The following PFKFB3 variants were observed in gnomAD, a reference collection of about 807,000 sequenced individuals.
PFKFB3 encodes the protein 6-phosphofructo-2-kinase/fructose-2,6-bisphosphatase 3.
PFKFB3 carries 33 observed loss-of-function variants against 68.0 expected under a neutral mutation model. The ratio of observed to expected loss-of-function variants is 0.49; its 90% CI spans 0.37 to 0.65. PFKFB3 has a LOEUF of 0.65. Among genes scored for constraint, PFKFB3 ranks in the 30% least tolerant of loss-of-function variants. The pLI, the probability that PFKFB3 is intolerant of heterozygous loss-of-function variation, is 0.00. For synonymous variants in PFKFB3, 315 were observed against 288.2 expected (o/e 1.09, Z -0.94); for missense variants, 586 against 712.2 (o/e 0.82, Z 2.02).
rs1175064214 is a variant in PFKFB3 at position 6,229,780 on chromosome 10, G to A, written c.1516-3115G>A. 1.1e-4 allele frequency among the ~76,000 whole-genome samples: 16 copies of A among 152,206 alleles called. No homozygotes were observed. The highest frequency in any genetic ancestry group is 1.8e-4 in the Non-Finnish European group (12 of 68,044). ...CTTTTTGGTACCAGGGACCCGTTTC[G>A]TGGAAGAGAATTTTCCCCACCATGG... On this transcript the variant is annotated intron_variant, in intron 14 of 14. Transcript: ENST00000379775. This position sits in a 1 kb window ranked among gnomAD's most constrained non-coding sequence, Gnocchi z 4.3.
upstream of PFKFB3, chr10:6,202,374 GC>G (rs1843397415): frequency 6.6e-6 from 1 of 152,324 alleles, no homozygotes; most frequent in African/African-American, 2.4e-5. Flanking sequence ...CCCGCGGGTC[GC>G]CCGGGTCGTG....
chr10:6,289,430 T>C, the PFKFB3 span, among the ~76,000 whole-genome samples: 21 of 150,970 alleles, frequency 1.4e-4, no homozygotes, highest in East Asian at 9.7e-4. Context: ...TATGGCTAGC[T>C]AGTTTTCCCA....
At position 6,228,075 on chromosome 10, in the gene PFKFB3, GC is replaced by G; in HGVS notation, c.1515+1712del. On this transcript the variant is annotated intron_variant, in intron 14 of 14. Transcript: ENST00000379775. This position sits in a 1 kb window ranked among gnomAD's most constrained non-coding sequence, Gnocchi z 4.5. ...GTTGGGAGGACAGTCCTTCAGGGTG[GC>G]CAGGTTCTTAGGGACGTCTGAAGCT... The G allele has an allele frequency of 9.7e-7, 1 of 1,030,618 alleles. No individual in the cohort carries two copies. The highest frequency in any genetic ancestry group is 1.5e-6 in the Non-Finnish European group (1 of 663,850). 63.8% of individuals were successfully genotyped at this position (1,030,618 alleles called of 1,614,324 possible).
chr10:6,302,638 C>T, the PFKFB3 span, among the ~76,000 whole-genome samples: 1 of 151,506 alleles, frequency 6.6e-6, no homozygotes, highest in Non-Finnish European at 1.5e-5. Flanking sequence ...GCCTCGGCCT[C>T]CCAAAGTGCT....
At chr10:6,231,137 C>A in intron 14 of PFKFB3, 1 of 737,298 alleles carries the variant, frequency 1.4e-6, no homozygotes. Context: ...GAGAGATCAC[C>A]TGGCATTTGT....
the PFKFB3 span, chr10:6,294,204 G>A: frequency 1.9e-6 from 1 of 527,952 alleles, no homozygotes; most frequent in African/African-American, 1.9e-5. Flanking sequence ...TCCATCTTGA[G>A]AGATGTGAAC....
At chr10:6,180,157 C>T (rs975668607) in intron 1 of PFKFB3, among the ~76,000 whole-genome samples, 2 of 151,684 alleles carry the variant, frequency 1.3e-5, no homozygotes, top group African/African-American at 4.8e-5. Flanking sequence ...AGCTGGGCAA[C>T]ATAGTGAGAC....
the PFKFB3 span, among the ~76,000 whole-genome samples, chr10:6,280,813 G>A: frequency 6.6e-6 from 1 of 151,526 alleles, no homozygotes; most frequent in South Asian, 2.1e-4. Flanking sequence ...AATTTTTTAT[G>A]TTTCTGTAGT....
chr10:6,298,260 T>C, the PFKFB3 span, among the ~76,000 whole-genome samples: 4 of 151,996 alleles, frequency 2.6e-5, no homozygotes, highest in East Asian at 7.7e-4. Flanking sequence ...TCTCCTAGGG[T>C]AACCTCGGAT....
chr10:6,269,878 C>T, the PFKFB3 span, among the ~76,000 whole-genome samples: 9 of 152,160 alleles, frequency 5.9e-5, no homozygotes, highest in African/African-American at 1.2e-4. Context: ...CGCTTGTAAT[C>T]GCAGCACTTT....
At chr10:6,288,666 G>A in the PFKFB3 span, among the ~76,000 whole-genome samples, 4 of 151,602 alleles carry the variant, frequency 2.6e-5, no homozygotes, top group Admixed American at 1.3e-4. Flanking sequence ...ATAAACATAC[G>A]TGTGCATGTG....
At chr10:6,319,266 T>C in the PFKFB3 span, among the ~76,000 whole-genome samples, 1 of 152,196 alleles carries the variant, frequency 6.6e-6, no homozygotes, top group Admixed American at 6.5e-5. Flanking sequence ...AAACTAAGTG[T>C]CCATCAGTGG....
rs529870833 is a variant in PFKFB3 at position 6,225,380 on chromosome 10, G to T, written c.1342-812G>T. The T allele has an allele frequency of 1.9e-5, 7 of 373,084 alleles. 1 individual carries two copies. The highest frequency in any genetic ancestry group is 1.4e-4 in the South Asian group (7 of 51,210). 23.1% of individuals were successfully genotyped at this position (373,084 alleles called of 1,614,324 possible). A position where few individuals can be genotyped will look rare whatever the true frequency, so the allele number is the denominator to read the frequency against. On this transcript the variant is annotated intron_variant, in intron 13 of 14. Transcript: ENST00000379775. ...AGGCTGGGGTCCCTTGGCCGCCTTGGTCCCTGTCACCCCCTCCACTTCGGA... is the reference window on the plus strand; with the variant it reads ...AGGCTGGGGTCCCTTGGCCGCCTTGTTCCCTGTCACCCCCTCCACTTCGGA...
the PFKFB3 span, among the ~76,000 whole-genome samples, chr10:6,262,434 G>T: frequency 4.0e-4 from 48 of 120,936 alleles, no homozygotes; most frequent in Middle Eastern, 8.1e-3. Flanking sequence ...CAGCCTGGGC[G>T]ACAGCGAGAC....
At chr10:6,206,584 ACC>A (rs1184833742) in intron 1 of PFKFB3, among the ~76,000 whole-genome samples, 18 of 106,370 alleles carry the variant, frequency 1.7e-4, no homozygotes, top group South Asian at 6.0e-4. Context: ...GCAGGGGCTG[ACC>A]CCCCCACCTC....
chr10:6,253,947 G>A (rs1846438749), intron 14 of PFKFB3, among the ~76,000 whole-genome samples: 1 of 152,138 alleles, frequency 6.6e-6, no homozygotes, highest in Non-Finnish European at 1.5e-5. Context: ...GGGAGGCTGA[G>A]GCAGGAGGAT....
chr10:6,169,866 T>A (rs1285304418), intron 1 of PFKFB3, among the ~76,000 whole-genome samples: 1 of 152,210 alleles, frequency 6.6e-6, no homozygotes, highest in Non-Finnish European at 1.5e-5. Context: ...GTCTTGGATG[T>A]GTATTTCCTT....
chr10:6,159,565 G>A (rs1427576986), intron 1 of PFKFB3, among the ~76,000 whole-genome samples: 1 of 150,902 alleles, frequency 6.6e-6, no homozygotes, highest in Non-Finnish European at 1.5e-5. Flanking sequence ...GGTGGTGCAT[G>A]CCTGTAATCC....
the PFKFB3 span, among the ~76,000 whole-genome samples, chr10:6,262,392 C>T: frequency 4.4e-4 from 61 of 138,862 alleles, no homozygotes; most frequent in Middle Eastern, 3.9e-3. Flanking sequence ...GGGGCGGAGC[C>T]TGCAGTGAGC....
Sources: allele counts gnomAD v4.1 joint callset (sites outside exome capture counted in the v4.1 genomes callset), GRCh38; gene constraint gnomAD v4.1.1; non-coding constraint Gnocchi (gnomAD v3.1); transcripts MANE v1.5; gene names NCBI Gene and HGNC (gene_info 2026-07-23, HGNC 2026-07-21).